CARS2: variants seen among roughly 807,000 people sequenced by gnomAD.
CARS2 encodes the protein cysteinyl-tRNA synthetase 2, mitochondrial, also known as probable cysteine--tRNA ligase, mitochondrial.
In CARS2, 52 loss-of-function variants were observed where a neutral mutation model predicts 68.8. That is an observed-to-expected ratio of 0.76 (90% CI 0.61 to 0.95). The LOEUF is 0.95. Among genes scored for constraint, CARS2 ranks in the 40% least tolerant of loss-of-function variants. The pLI is 0.00. For synonymous variants in CARS2, 314 were observed against 303.6 expected, an observed-to-expected ratio of 1.03 and a Z score of -0.36; for missense variants, 780 against 754.2, an observed-to-expected ratio of 1.03 and a Z score of -0.40.
intron 8 of CARS2, chr13:110,666,657 T>C (rs1329320567): frequency 1.0e-6 from 1 of 985,468 alleles, no homozygotes; most frequent in Non-Finnish European, 1.2e-6. Flanking sequence ...AATTTCCCAA[T>C]TCAAGGACTT....
intron 11 of CARS2, chr13:110,646,505 C>T (rs1324351506): frequency 5.8e-6 from 1 of 172,420 alleles, no homozygotes; most frequent in Non-Finnish European, 1.2e-5. Flanking sequence ...GGCTGCCTAC[C>T]CTGCTGAAGT....
Position 110,705,907 on chromosome 13 carries a change from C to A in CARS2, c.187G>T (p.Glu63Ter). The part of the protein sequence containing the change: ...QVYNSLTGRK[E>*]PLIVAHAEAA... ...TCGGCGTGCGCCACGATTAGGGGTTCCTTCCTCCCGGTGAGGCTGTTGTAC... is the reference window on the plus strand; with the variant it reads ...TCGGCGTGCGCCACGATTAGGGGTTACTTCCTCCCGGTGAGGCTGTTGTAC... The change falls in exon 1 of 15, where the codon GAA becomes TAA. Residue 63 changes from glutamate to a stop codon, truncating the protein, a stop_gained. Transcript: ENST00000257347. LOFTEE classifies it high-confidence loss of function. The surrounding 1 kb of genome is among the most constrained non-coding windows in gnomAD (Gnocchi z 4.0). The A allele has an allele frequency of 6.3e-7, 1 of 1,576,610 alleles. No individual in the cohort carries two copies. Among genetic ancestry groups the A allele is most frequent in the Non-Finnish European group, 8.6e-7 (1 of 1,163,314 alleles).
intron 9 of CARS2, among the ~76,000 whole-genome samples, chr13:110,662,242 C>T (rs537930451): frequency 1.9e-4 from 23 of 124,322 alleles, no homozygotes; most frequent in East Asian, 1.6e-3. Flanking sequence ...CGGCCGGGTT[C>T]GGACCTCTCT....
intron 14 of CARS2, 27 bp downstream of exon 14, chr13:110,642,286 GAT>G: frequency 1.3e-6 from 2 of 1,527,400 alleles, no homozygotes; most frequent in Non-Finnish European, 1.8e-6. Flanking sequence ...CTCCTGGGGT[GAT>G]GTCCCTGACC....
At chr13:110,694,742 A>G (rs1165660312) in intron 3 of CARS2, among the ~76,000 whole-genome samples, 3 of 152,134 alleles carry the variant, frequency 2.0e-5, no homozygotes, top group Non-Finnish European at 4.4e-5. Flanking sequence ...GACAACCTAT[A>G]AAATGGTGCC....
At chr13:110,672,021 T>A (rs1452904974) in intron 7 of CARS2, among the ~76,000 whole-genome samples, 1 of 152,220 alleles carries the variant, frequency 6.6e-6, no homozygotes, top group African/African-American at 2.4e-5. Context: ...CTAACTATCC[T>A]AAATATATAT....
chr13:110,641,855 GC>G (rs904538998), intron 14 of CARS2, among the ~76,000 whole-genome samples: 16 of 152,202 alleles, frequency 1.1e-4, no homozygotes, highest in African/African-American at 3.9e-4. Context: ...AGCCAACTTG[GC>G]CCCTCCCTCA....
intron 7 of CARS2, among the ~76,000 whole-genome samples, chr13:110,672,843 A>G (rs2062837864): frequency 6.6e-6 from 1 of 152,266 alleles, no homozygotes; most frequent in African/African-American, 2.4e-5. Context: ...AAGACAAGGG[A>G]GAAGAATCAA....
intron 1 of CARS2, chr13:110,712,967 C>A: frequency 6.4e-7 from 1 of 1,560,170 alleles, no homozygotes; most frequent in African/African-American, 1.4e-5. Context: ...GGTGGTCCGG[C>A]CGCGGAATGG....
chr13:110,644,896 G>A (rs1387299424), intron 12 of CARS2: 2 of 169,744 alleles, frequency 1.2e-5, no homozygotes, highest in Non-Finnish European at 2.6e-5. Context: ...GCCTTAGTTT[G>A]CAGGTGCCCC....
intron 2 of CARS2, 59 bp from the exon 3 acceptor site, chr13:110,701,614 A>G (rs1398376240): frequency 1.2e-6 from 1 of 829,740 alleles, no homozygotes; most frequent in East Asian, 2.4e-5. Context: ...TTATCTTTGT[A>G]AAAAATCCAT....
In CARS2 at chr13:110,663,175, G is replaced by C. The variant is rs374331608; in HGVS notation, c.987+276C>G. 2,385 of 569,150 alleles carry C rather than the reference G, an allele frequency of 4.2e-3. 61 individuals are homozygous for C. Among genetic ancestry groups the C allele is most frequent in the South Asian group, 0.036 (2,145 of 59,942 alleles). 35.3% of individuals were successfully genotyped at this position (569,150 alleles called of 1,614,324 possible). On this transcript the variant is annotated intron_variant, in intron 9 of 14. Transcript: ENST00000257347. ...GGAGACAACAATTATAAAAGGAAAA[G>C]GCAAGGAAGAGGGCGCCGGCCTTGA...
At chr13:110,677,520 C>T (rs56402184) in intron 6 of CARS2, among the ~76,000 whole-genome samples, 1 of 131,168 alleles carries the variant, frequency 7.6e-6, no homozygotes, top group Non-Finnish European at 1.6e-5. Flanking sequence ...GAGACCCAGA[C>T]AATCACACCA....
chr13:110,681,560 C>CTGG (rs2063157218), intron 6 of CARS2, among the ~76,000 whole-genome samples: 3 of 152,168 alleles, frequency 2.0e-5, no homozygotes, highest in African/African-American at 7.2e-5. Flanking sequence ...CACAAATAAG[C>CTGG]CTCTTCCCAG....
intron 3 of CARS2, among the ~76,000 whole-genome samples, chr13:110,700,914 A>ATCACAATAC (rs1299205906): frequency 6.6e-6 from 1 of 152,232 alleles, no homozygotes; most frequent in East Asian, 1.9e-4. Context: ...GCCTTCAGCG[A>ATCACAATAC]TCACAATACG....
chr13:110,676,033 A>G lies in CARS2; in HGVS notation c.785+941T>C, dbSNP rs1009398891. Among the ~76,000 whole-genome samples the G allele has an allele frequency of 1.3e-5, 2 of 152,358 alleles. No homozygotes were observed. The highest frequency in any genetic ancestry group is 4.8e-5 in the African/African-American group (2 of 41,586). On this transcript the variant is annotated intron_variant, in intron 7 of 14. Coordinates refer to ENST00000257347, the MANE Select transcript of CARS2 (RefSeq NM_024537.4). The surrounding 1 kb of genome is among the most constrained non-coding windows in gnomAD (Gnocchi z 4.0). ...AGCCGGGGTGGTGGCGCATGCCAGT[A>G]ATCCCAGCTACTCAGGAGGATGAGG...
chr13:110,688,569 A>G (rs1436717640), intron 3 of CARS2, among the ~76,000 whole-genome samples: 1 of 152,220 alleles, frequency 6.6e-6, no homozygotes, highest in East Asian at 1.9e-4. Context: ...CTAGGTTCCT[A>G]TCTTATCCCT....
At chr13:110,656,995 T>G (rs145990689) in intron 9 of CARS2, among the ~76,000 whole-genome samples, 37 of 152,312 alleles carry the variant, frequency 2.4e-4, no homozygotes, top group African/African-American at 7.2e-4. Flanking sequence ...GTATGTGCAT[T>G]ACATTTCAAT....
chr13:110,703,289 G>A (rs908150447), intron 2 of CARS2, among the ~76,000 whole-genome samples: 17 of 152,164 alleles, frequency 1.1e-4, no homozygotes, highest in African/African-American at 4.1e-4. Flanking sequence ...TCATGCTAAC[G>A]ACATCAGATG....
Sources: allele counts gnomAD v4.1 joint callset (sites outside exome capture counted in the v4.1 genomes callset), GRCh38; gene constraint gnomAD v4.1.1; non-coding constraint Gnocchi (gnomAD v3.1); transcripts MANE v1.5; gene names NCBI Gene and HGNC (gene_info 2026-07-23, HGNC 2026-07-21).